The following FHIT variants were observed in gnomAD, a reference collection of about 807,000 sequenced individuals.
FHIT encodes the protein fragile histidine triad diadenosine triphosphatase, also known as bis(5'-adenosyl)-triphosphatase.
A neutral mutation model predicts 17.9 loss-of-function variants in FHIT; 19 were observed. The ratio of observed to expected loss-of-function variants is 1.06; its 90% CI spans 0.74 to 1.56. The LOEUF is 1.56. Among genes scored for constraint, FHIT ranks in the 40% most tolerant of loss-of-function variants. The pLI is 0.00. For synonymous variants in FHIT, 81 were observed against 69.7 expected, an observed-to-expected ratio of 1.16 and a Z score of -0.81; for missense variants, 248 against 189.2, an observed-to-expected ratio of 1.31 and a Z score of -1.82.
rs1227752970 is a variant in FHIT at position 59,859,583 on chromosome 3, G to C, written c.348+62763C>G. 5.6e-4 allele frequency among the ~76,000 whole-genome samples: 85 copies of C among 152,180 alleles called. 2 individuals carry two copies. The highest frequency in any genetic ancestry group is 5.6e-3 in the Admixed American group (85 of 15,286). On this transcript the variant is annotated intron_variant, in intron 8 of 9. Coordinates refer to ENST00000492590, the MANE Select transcript of FHIT (RefSeq NM_002012.4). Reference sequence around the variant, plus strand: ...AAATACAAAAAATTAGCCAGGCATGGAGGTGTGTGCCTGTAATCCCAGCTA... The same window carrying C: ...AAATACAAAAAATTAGCCAGGCATGCAGGTGTGTGCCTGTAATCCCAGCTA...
At chr3:60,053,452 T>C (rs1380644582) in intron 5 of FHIT, among the ~76,000 whole-genome samples, 1 of 150,726 alleles carries the variant, frequency 6.6e-6, no homozygotes, top group South Asian at 2.1e-4. Context: ...TAGTATTTTC[T>C]CTGGTGCTTC....
chr3:60,203,253 C>T (rs1425969409), intron 5 of FHIT, among the ~76,000 whole-genome samples: 1 of 151,998 alleles, frequency 6.6e-6, no homozygotes, highest in East Asian at 1.9e-4. Context: ...AAAATGACAA[C>T]CACCAAATAA....
intron 1 of FHIT, among the ~76,000 whole-genome samples, chr3:61,232,302 G>T (rs1235018507): frequency 3.3e-5 from 5 of 152,194 alleles, no homozygotes; most frequent in Non-Finnish European, 7.4e-5. Flanking sequence ...CACGAGAATC[G>T]CTTGAACCAG....
intron 5 of FHIT, among the ~76,000 whole-genome samples, chr3:60,152,857 C>G (rs926563917): frequency 4.6e-5 from 7 of 152,106 alleles, no homozygotes; most frequent in African/African-American, 1.7e-4. Flanking sequence ...TGATGTCTCC[C>G]TGCTTTAATT....
At chr3:61,033,187 C>A (rs1299711699) in intron 3 of FHIT, among the ~76,000 whole-genome samples, 3 of 152,178 alleles carry the variant, frequency 2.0e-5, no homozygotes, top group African/African-American at 7.2e-5. Context: ...ATCTCTTAGC[C>A]CAGTCAAGTT....
At chr3:60,083,595 C>T (rs1406093022) in intron 5 of FHIT, among the ~76,000 whole-genome samples, 1 of 152,092 alleles carries the variant, frequency 6.6e-6, no homozygotes, top group African/African-American at 2.4e-5. Context: ...ACTGTGCGGT[C>T]TTTGATATTG....
At chr3:60,187,779 CTAATT>C (rs1158111272) in intron 5 of FHIT, among the ~76,000 whole-genome samples, 2 of 152,150 alleles carry the variant, frequency 1.3e-5, no homozygotes, top group Admixed American at 1.3e-4. Context: ...AATTGTGCTC[CTAATT>C]TAATTCATTC....
At chr3:60,355,969 C>T (rs1699637853) in intron 5 of FHIT, among the ~76,000 whole-genome samples, 2 of 151,978 alleles carry the variant, frequency 1.3e-5, no homozygotes, top group Admixed American at 6.6e-5. Context: ...ACTCAAGAAG[C>T]GTAAGGGAAA....
At chr3:60,574,886 T>C (rs141275387) in intron 4 of FHIT, among the ~76,000 whole-genome samples, 1,815 of 143,906 alleles carry the variant, frequency 0.013, 33 homozygotes, top group African/African-American at 0.042. Context: ...CCACCCCCCA[T>C]GTTTTATCAT....
intron 5 of FHIT, among the ~76,000 whole-genome samples, chr3:60,310,291 T>C (rs1708882014): frequency 6.6e-6 from 1 of 152,148 alleles, no homozygotes; most frequent in African/African-American, 2.4e-5. Flanking sequence ...TTTCAAGGGA[T>C]GCTAGGTGTT....
chr3:60,739,725 T>C (rs139086569), intron 4 of FHIT, among the ~76,000 whole-genome samples: 56 of 152,342 alleles, frequency 3.7e-4, no homozygotes, highest in African/African-American at 1.3e-3. Flanking sequence ...TTATTCCCAG[T>C]TGAGAATCTC....
chr3:61,055,899 T>C (rs549113681), intron 2 of FHIT, among the ~76,000 whole-genome samples: 8 of 152,290 alleles, frequency 5.3e-5, no homozygotes, highest in Non-Finnish European at 1.2e-4. Flanking sequence ...GATATTTTGA[T>C]ATAGGCATGC....
chr3:60,732,083 G>A (rs13068173), intron 4 of FHIT: 48,631 of 596,254 alleles, frequency 0.082, 2,528 homozygotes, highest in African/African-American at 0.15. Flanking sequence ...TGGGGTGGAG[G>A]GGTAGTCTCC....
chr3:60,965,287 C>T (rs1346933870), intron 3 of FHIT, among the ~76,000 whole-genome samples: 16 of 152,156 alleles, frequency 1.1e-4, no homozygotes, highest in African/African-American at 3.1e-4. Flanking sequence ...TCCATCAGGT[C>T]ATTTAAGTTC....
intron 5 of FHIT, among the ~76,000 whole-genome samples, chr3:60,369,863 T>A (rs994919051): frequency 6.6e-6 from 1 of 152,154 alleles, no homozygotes; most frequent in African/African-American, 2.4e-5. Flanking sequence ...CACTGGCCAA[T>A]GGCACACAAG....
chr3:60,259,713 C>T (rs1706196672), intron 5 of FHIT, among the ~76,000 whole-genome samples: 1 of 152,054 alleles, frequency 6.6e-6, no homozygotes, highest in Non-Finnish European at 1.5e-5. Flanking sequence ...GACTTGCAGA[C>T]AGTAAGTAGC....
intron 5 of FHIT, among the ~76,000 whole-genome samples, chr3:60,413,548 A>T (rs867476570): frequency 6.6e-6 from 1 of 152,184 alleles, no homozygotes; most frequent in African/African-American, 2.4e-5. Flanking sequence ...AGTGCATGTT[A>T]GGTAAATTGA....
intron 3 of FHIT, among the ~76,000 whole-genome samples, chr3:60,885,558 C>T (rs1553759111): frequency 6.6e-6 from 1 of 152,114 alleles, no homozygotes; most frequent in Non-Finnish European, 1.5e-5. Context: ...CATTGTTTAA[C>T]AGTTACTCTT....
intron 3 of FHIT, among the ~76,000 whole-genome samples, chr3:60,921,023 TC>T (rs1707254424): frequency 1.3e-5 from 2 of 152,282 alleles, no homozygotes; most frequent in South Asian, 2.1e-4. Context: ...ACTCACTCAT[TC>T]CGTAAGATAT....
Sources: gnomAD v4.1 joint callset for allele counts (sites outside exome capture counted in the v4.1 genomes callset) on GRCh38, gnomAD v4.1.1 for gene constraint, MANE v1.5 for transcripts, NCBI Gene and HGNC (gene_info 2026-07-23, HGNC 2026-07-21) for gene names.